The following RNF180 variants were observed in gnomAD, a reference collection of about 807,000 sequenced individuals.
The protein encoded by RNF180 is E3 ubiquitin-protein ligase RNF180.
A neutral mutation model predicts 59.2 loss-of-function variants in RNF180; 38 were observed. The ratio of observed to expected loss-of-function variants is 0.64; its 90% confidence interval spans 0.50 to 0.84. RNF180 has a LOEUF of 0.84. Ranked by LOEUF, RNF180 falls within the 40% of genes least tolerant of loss-of-function variation. RNF180 has a pLI of 0.00. For synonymous variants in RNF180, 262 were observed against 240.3 expected (o/e 1.09, Z -0.84); for missense variants, 705 against 700.9 (o/e 1.01, Z -0.07).
intron 2 of RNF180, among the ~76,000 whole-genome samples, chr5:64,204,120 G>A (rs1007631798): frequency 1.3e-5 from 2 of 152,064 alleles, no homozygotes; most frequent in Admixed American, 6.6e-5. Flanking sequence ...TCACCATGTC[G>A]AGTGTAGATT....
chr5:64,224,853 C>G, intron 5 of RNF180, among the ~76,000 whole-genome samples: 1 of 152,176 alleles, frequency 6.6e-6, no homozygotes, highest in East Asian at 1.9e-4. Context: ...AATTAAAGCC[C>G]TTTTGAAACA....
chr5:64,217,678 G>A, intron 5 of RNF180: 1 of 288,428 alleles, frequency 3.5e-6, no homozygotes, highest in Non-Finnish European at 5.8e-6. Flanking sequence ...GGCTGGTGTG[G>A]CAGCTTATGT....
chr5:64,186,154 A>T (rs1750864435), intron 1 of RNF180, among the ~76,000 whole-genome samples: 1 of 152,128 alleles, frequency 6.6e-6, no homozygotes, highest in Non-Finnish European at 1.5e-5. Context: ...GTATGTGACA[A>T]TTCCTCTTGC....
intron 5 of RNF180, among the ~76,000 whole-genome samples, chr5:64,243,018 C>A (rs766546961): frequency 6.6e-6 from 1 of 152,178 alleles, no homozygotes; most frequent in Non-Finnish European, 1.5e-5. Context: ...CCAAGGGAAG[C>A]GTGAGGGACT....
chr5:64,193,387 AT>A (rs1751282490), intron 1 of RNF180, among the ~76,000 whole-genome samples: 1 of 152,190 alleles, frequency 6.6e-6, no homozygotes, highest in African/African-American at 2.4e-5. Context: ...GGGCATATAC[AT>A]ATGTCCAAAC....
chr5:64,303,826 A>C (rs1391881721), intron 5 of RNF180, among the ~76,000 whole-genome samples: 1 of 151,628 alleles, frequency 6.6e-6, no homozygotes. Flanking sequence ...TAAACAACAC[A>C]TTTTCAATGC....
intron 7 of RNF180, among the ~76,000 whole-genome samples, chr5:64,367,473 AC>A (rs1746495499): frequency 6.6e-6 from 1 of 151,672 alleles, no homozygotes; most frequent in Admixed American, 6.6e-5. Context: ...TTATTTAAAA[AC>A]CTATTTGAAA....
intron 5 of RNF180, among the ~76,000 whole-genome samples, chr5:64,255,953 A>C (rs186834235): frequency 0.092 from 13,939 of 152,262 alleles, 761 homozygotes; most frequent in South Asian, 0.17. Flanking sequence ...ATGGCCAGTG[A>C]TGATGAGCAT....
chr5:64,367,901 A>ATT (rs1746511415), intron 7 of RNF180, among the ~76,000 whole-genome samples: 1 of 151,698 alleles, frequency 6.6e-6, no homozygotes, highest in African/African-American at 2.4e-5. Context: ...AAAGCAAAAG[A>ATT]TTAATAGGTT....
chr5:64,220,039 T>G (rs1015130933), intron 5 of RNF180, among the ~76,000 whole-genome samples: 1 of 152,182 alleles, frequency 6.6e-6, no homozygotes, highest in Non-Finnish European at 1.5e-5. Context: ...ATAATATTCC[T>G]TATTTGTTAT....
chr5:64,324,296 C>T (rs1744518034), intron 5 of RNF180, among the ~76,000 whole-genome samples: 1 of 152,170 alleles, frequency 6.6e-6, no homozygotes, highest in South Asian at 2.1e-4. Context: ...CATCCCACCA[C>T]AGGGCACACT....
chr5:64,188,030 G>A (rs917894070), intron 1 of RNF180, among the ~76,000 whole-genome samples: 28 of 152,050 alleles, frequency 1.8e-4, no homozygotes, highest in Admixed American at 1.6e-3. Context: ...CAGTTCTTCC[G>A]TGCTCACAAT....
intron 2 of RNF180, among the ~76,000 whole-genome samples, chr5:64,203,058 C>T (rs989529761): frequency 6.6e-6 from 1 of 152,184 alleles, no homozygotes; most frequent in Admixed American, 6.5e-5. Context: ...GGAGAACTCC[C>T]ACTTACTCAT....
At chr5:64,331,018 A>G (rs916662649) in intron 7 of RNF180, among the ~76,000 whole-genome samples, 3 of 152,092 alleles carry the variant, frequency 2.0e-5, no homozygotes, top group Non-Finnish European at 4.4e-5. Flanking sequence ...ACCCACTCCA[A>G]TTTCACAGCA....
chr5:64,339,612 T>C (rs1194415785), intron 7 of RNF180, among the ~76,000 whole-genome samples: 1 of 151,996 alleles, frequency 6.6e-6, no homozygotes, highest in Non-Finnish European at 1.5e-5. Context: ...GGTTGGTAGA[T>C]GGAAGTAAGG....
At chr5:64,174,802 T>C (rs2111897383) in intron 1 of RNF180, among the ~76,000 whole-genome samples, 1 of 152,240 alleles carries the variant, frequency 6.6e-6, no homozygotes. Context: ...TAAATATAAA[T>C]ATAATCCTGC....
intron 2 of RNF180, among the ~76,000 whole-genome samples, chr5:64,211,601 G>C (rs1752315975): frequency 6.6e-6 from 1 of 152,148 alleles, no homozygotes; most frequent in South Asian, 2.1e-4. Context: ...GGGGTAGTGT[G>C]TCCTGAATCC....
chr5:64,335,710 A>G (rs1745097508), intron 7 of RNF180, among the ~76,000 whole-genome samples: 1 of 151,902 alleles, frequency 6.6e-6, no homozygotes, highest in African/African-American at 2.4e-5. Flanking sequence ...CCCCCCTTCC[A>G]ATTTGTTTTG....
chr5:64,344,236 T>C (rs2112568767), intron 7 of RNF180, among the ~76,000 whole-genome samples: 1 of 152,034 alleles, frequency 6.6e-6, no homozygotes, highest in Non-Finnish European at 1.5e-5. Flanking sequence ...CACAGAAAGG[T>C]TGGAAGTATA....
Sources: allele counts gnomAD v4.1 joint callset (sites outside exome capture counted in the v4.1 genomes callset), GRCh38; gene constraint gnomAD v4.1.1; transcripts MANE v1.5; gene names NCBI Gene and HGNC (gene_info 2026-07-23, HGNC 2026-07-21).